Variants in MAP3K9 observed in about 807,000 individuals in gnomAD.
MAP3K9 encodes mixed lineage kinase 1 (tyr and ser/thr specificity).
Under a neutral mutation model 95.8 loss-of-function variants are expected in MAP3K9, and 46 were observed. That is an observed-to-expected ratio of 0.48 (90% CI 0.38 to 0.61). The LOEUF is 0.61. Ranked by LOEUF, MAP3K9 falls within the 20% of genes least tolerant of loss-of-function variation. MAP3K9 has a pLI of 0.00. For missense variants in MAP3K9, 1,296 were observed against 1,474.3 expected (o/e 0.88, Z 1.98); for synonymous variants, 533 against 593.8 (o/e 0.90, Z 1.49).
chr14:70,732,506 AGAAAG>A, intron 11 of MAP3K9, 28 bp downstream of exon 11: 4 of 1,512,702 alleles, frequency 2.6e-6, no homozygotes, highest in Non-Finnish European at 3.5e-6. Context: ...GGAGGCACAA[AGAAAG>A]GAAAGAGAAA....
chr14:70,778,037 T>C (rs1027384694), intron 2 of MAP3K9, among the ~76,000 whole-genome samples: 29 of 152,218 alleles, frequency 1.9e-4, no homozygotes, highest in African/African-American at 7.0e-4. Context: ...GATGATCCTA[T>C]AAAGGAAACT....
At chr14:70,755,010 C>A (rs2054279408) in intron 3 of MAP3K9, among the ~76,000 whole-genome samples, 1 of 152,172 alleles carries the variant, frequency 6.6e-6, no homozygotes, top group Non-Finnish European at 1.5e-5. Flanking sequence ...CCCTCCATCA[C>A]AACATTTGCA....
intron 3 of MAP3K9, among the ~76,000 whole-genome samples, chr14:70,759,905 C>G (rs2054347895): frequency 1.3e-5 from 2 of 152,060 alleles, no homozygotes; most frequent in African/African-American, 2.4e-5. Context: ...CAGGTGCATG[C>G]CACCACACCT....
rs2053857319 is a variant in MAP3K9, at chr14:70,728,968, A to G, written c.*1412T>C. 6.6e-6 allele frequency: 1 copy of G among 152,266 alleles called. No individual in the cohort carries two copies. Among genetic ancestry groups the G allele is most frequent in the African/African-American group, 2.4e-5 (1 of 41,458 alleles). The allele number at this position is 152,266 out of a possible 1,614,324, so 9.4% of individuals were successfully genotyped here. On this transcript the variant is annotated 3_prime_UTR_variant, in exon 12 of 12. Coordinates refer to ENST00000554752, the MANE Select transcript of MAP3K9 (RefSeq NM_001284230.2). Reference sequence around the variant, plus strand: ...CACATAACACAGGAGGCCTCAGAGTAGTGGCATGGAGAAGACATACACGAG... The same window carrying G: ...CACATAACACAGGAGGCCTCAGAGTGGTGGCATGGAGAAGACATACACGAG...
At position 70,798,471 on chromosome 14, in the gene MAP3K9, G is replaced by GTTTTTTTTTTTTTT. The variant is rs1170327816; in HGVS notation, c.820+2182_820+2195dup. Reference sequence around the variant, plus strand: ...TTACTTTGAAAAGAGGTCACCAAAAGTTTTTTTTTTTTTTTTTTTTTTTTT... The same window carrying GTTTTTTTTTTTTTT: ...TTACTTTGAAAAGAGGTCACCAAAAGTTTTTTTTTTTTTTTTTTTTTTTTTTTTTTTTTTTTTTT... On this transcript the variant is annotated intron_variant, in intron 2 of 11. Coordinates refer to ENST00000554752, the MANE Select transcript of MAP3K9 (RefSeq NM_001284230.2). Among the ~76,000 whole-genome samples, 8 of 65,436 alleles carry GTTTTTTTTTTTTTT rather than the reference G, an allele frequency of 1.2e-4. 2 individuals carry two copies. The highest frequency in any genetic ancestry group is 9.4e-4 in the East Asian group (2 of 2,126). The allele number at this position is 65,436 out of a possible 152,430, so 42.9% of individuals were successfully genotyped here. A position where few individuals can be genotyped will look rare whatever the true frequency, so the allele number is the denominator to read the frequency against.
intron 2 of MAP3K9, among the ~76,000 whole-genome samples, chr14:70,764,853 C>CA (rs905343771): frequency 1.1e-4 from 16 of 145,864 alleles, no homozygotes; most frequent in East Asian, 6.0e-4. Context: ...AAACAAACAA[C>CA]AAAAAAAAAG....
rs954074596 is a variant in MAP3K9, at chr14:70,727,100, T to C, written c.*3280A>G. On this transcript the variant is annotated 3_prime_UTR_variant, in exon 12 of 12. Transcript: ENST00000554752. Reference sequence around the variant, plus strand: ...ATTTCCCCTTCTCTACTAGCAAGGGTATCAAATGTACAAGGAAAATGATGT... The same window carrying C: ...ATTTCCCCTTCTCTACTAGCAAGGGCATCAAATGTACAAGGAAAATGATGT... The C allele has an allele frequency of 1.3e-5, 2 of 152,178 alleles. No individual in the cohort carries two copies. Among genetic ancestry groups the C allele is most frequent in the African/African-American group, 4.8e-5 (2 of 41,444 alleles). The allele number at this position is 152,178 out of a possible 1,614,324, so 9.4% of individuals were successfully genotyped here.
intron 7 of MAP3K9, among the ~76,000 whole-genome samples, chr14:70,739,292 G>A (rs2054031740): frequency 6.6e-6 from 1 of 152,128 alleles, no homozygotes; most frequent in Non-Finnish European, 1.5e-5. Context: ...ACCATGCCCA[G>A]CTAACTTTTT....
At chr14:70,770,226 A>T (rs962866838) in intron 2 of MAP3K9, among the ~76,000 whole-genome samples, 2 of 152,062 alleles carry the variant, frequency 1.3e-5, no homozygotes, top group Admixed American at 6.6e-5. Context: ...TGTCACCCAG[A>T]CTGGAGTGCA....
chr14:70,763,992 T>C (rs1031690135), intron 2 of MAP3K9, among the ~76,000 whole-genome samples: 3 of 149,750 alleles, frequency 2.0e-5, no homozygotes, highest in Non-Finnish European at 3.0e-5. Context: ...GAGACCATCC[T>C]GGCTAACAAG....
intron 5 of MAP3K9, 56 bp downstream of exon 5, chr14:70,748,773 A>G: frequency 7.0e-7 from 1 of 1,426,178 alleles, no homozygotes; most frequent in Non-Finnish European, 9.7e-7. Flanking sequence ...TACCAATTCA[A>G]TGCATGCCTT....
At chr14:70,787,147 G>T (rs2054754986) in intron 2 of MAP3K9, among the ~76,000 whole-genome samples, 1 of 151,818 alleles carries the variant, frequency 6.6e-6, no homozygotes, top group Admixed American at 6.6e-5. Flanking sequence ...ACTTTTTCCT[G>T]TTATATTGCC....
intron 5 of MAP3K9, among the ~76,000 whole-genome samples, chr14:70,744,930 C>A (rs2054124775): frequency 6.6e-6 from 1 of 152,160 alleles, no homozygotes; most frequent in Non-Finnish European, 1.5e-5. Context: ...GATGGCAGAA[C>A]CTCTTCCCTA....
chr14:70,798,846 TAAAG>T (rs766283113), intron 2 of MAP3K9, among the ~76,000 whole-genome samples: 18 of 152,058 alleles, frequency 1.2e-4, no homozygotes, highest in Non-Finnish European at 2.2e-4. Flanking sequence ...ATCATCATGA[TAAAG>T]AGACAGGAAA....
At position 70,760,986 on chromosome 14, in the gene MAP3K9, C is replaced by G. The variant is rs766978642; in HGVS notation, c.1001+16G>C. ...ATGGACCTAGGAAATGCTGTCCCTGCCCCCCTGGACCTTACCTCCACACAT... is the reference window on the plus strand; with the variant it reads ...ATGGACCTAGGAAATGCTGTCCCTGGCCCCCTGGACCTTACCTCCACACAT... On this transcript the variant is annotated intron_variant, in intron 3 of 11. Transcript: ENST00000554752. The G allele has an allele frequency of 3.7e-6, 6 of 1,609,296 alleles. No homozygotes were observed. In the Admixed American group the frequency reaches 1.0e-4, roughly 27 times the overall value.
chr14:70,729,545 T>C lies in MAP3K9; in HGVS notation c.*835A>G, dbSNP rs1270361361. 1 of 152,244 alleles carries C rather than the reference T, an allele frequency of 6.6e-6. No individual in the cohort carries two copies. Among genetic ancestry groups the C allele is most frequent in the African/African-American group, 2.4e-5 (1 of 41,468 alleles). 9.4% of individuals were successfully genotyped at this position (152,244 alleles called of 1,614,324 possible). On this transcript the variant is annotated 3_prime_UTR_variant, in exon 12 of 12. Coordinates refer to ENST00000554752, the MANE Select transcript of MAP3K9 (RefSeq NM_001284230.2). Reference sequence around the variant, plus strand: ...TATTCCTGGGATGAGCAGATGATTGTATCCGAACCTGGTCTGACGAGGTCC... The same window carrying C: ...TATTCCTGGGATGAGCAGATGATTGCATCCGAACCTGGTCTGACGAGGTCC...
intron 2 of MAP3K9, among the ~76,000 whole-genome samples, chr14:70,790,068 C>G (rs1316749161): frequency 6.6e-6 from 1 of 152,168 alleles, no homozygotes; most frequent in African/African-American, 2.4e-5. Flanking sequence ...TAACTGTGTC[C>G]TGCTTCTAGG....
chr14:70,795,119 G>A (rs1174876955), intron 2 of MAP3K9, among the ~76,000 whole-genome samples: 2 of 146,006 alleles, frequency 1.4e-5, no homozygotes, highest in Admixed American at 1.4e-4. Flanking sequence ...TCAGCTTCCT[G>A]AGTAGCTGGG....
intron 10 of MAP3K9, 88 bp from the exon 11 acceptor site, chr14:70,733,430 C>T: frequency 1.6e-6 from 1 of 638,050 alleles, no homozygotes; most frequent in South Asian, 2.0e-5. Context: ...TCACCCCAGG[C>T]CTCCTGTCTC....
Sources: allele counts gnomAD v4.1 joint callset (sites outside exome capture counted in the v4.1 genomes callset), GRCh38; gene constraint gnomAD v4.1.1; transcripts MANE v1.5; gene names NCBI Gene and HGNC (gene_info 2026-07-23, HGNC 2026-07-21).